The following DPYSL4 variants were observed in gnomAD, a reference collection of about 807,000 sequenced individuals.
DPYSL4 encodes dihydropyrimidinase like 4.
In DPYSL4, 43 loss-of-function variants were observed where a neutral mutation model predicts 63.4. The observed-to-expected ratio is 0.68, with a 90% confidence interval of 0.53 to 0.88. The LOEUF is 0.88. Ranked by LOEUF, DPYSL4 falls within the 40% of genes least tolerant of loss-of-function variation. The pLI is 0.00. For synonymous variants in DPYSL4, 353 were observed against 331.7 expected (o/e 1.06, Z -0.70); for missense variants, 733 against 819.5 (o/e 0.89, Z 1.29).
intron 8 of DPYSL4, 37 bp downstream of exon 8, chr10:132,199,008 A>G (rs575475827): frequency 7.0e-6 from 11 of 1,576,562 alleles, no homozygotes; most frequent in Middle Eastern, 1.7e-4. Flanking sequence ...CCGAGGGGCC[A>G]TGGTCTCGGC....
Position 132,202,718 on chromosome 10 carries a change from G to A in DPYSL4, c.1354G>A (p.Val452Met), listed in dbSNP as rs201714613. Residue 452 changes from valine to methionine, a missense_variant, in exon 12 of 14, where the codon GTG becomes ATG. Val to Met is a conservative substitution (Grantham distance 21, BLOSUM62 1). Transcript: ENST00000338492. ...APAVVISQGR[V>M]ALEDGKMFVT... ...TGCCGTGGTCATAAGTCAGGGCCGA[G>A]TGGCGCTGGAGGACGGGAAGATGTT... 4 of 1,613,512 alleles carry A rather than the reference G, an allele frequency of 2.5e-6. No individual in the cohort carries two copies. The highest frequency in any genetic ancestry group is 3.4e-6 in the Non-Finnish European group (4 of 1,180,000).
In DPYSL4 at chr10:132,194,933, C is replaced by T. The variant is rs1361328955; in HGVS notation, c.402C>T (p.Asp134=). The T allele has an allele frequency of 6.2e-7, 1 of 1,612,126 alleles. No individual in the cohort carries two copies. Among genetic ancestry groups the T allele is most frequent in the Non-Finnish European group, 8.5e-7 (1 of 1,179,952 alleles). The change falls in exon 4 of 14, where the codon GAC becomes GAT. Residue 134 remains aspartate, a synonymous_variant. Coordinates refer to ENST00000338492, the MANE Select transcript of DPYSL4 (RefSeq NM_006426.3). The part of the protein sequence containing the change: ...RERADSAACC[D]YSLHVDITRW... Reference sequence around the variant, plus strand: ...GGGCGGACAGCGCGGCCTGCTGCGACTACTCCCTGCACGTGGACATCACCC... The same window carrying T: ...GGGCGGACAGCGCGGCCTGCTGCGATTACTCCCTGCACGTGGACATCACCC...
Position 132,200,565 on chromosome 10 carries a change from C to T in DPYSL4, c.968+53C>T, listed in dbSNP as rs368259824. Reference sequence around the variant, plus strand: ...GTTGGCCGCCCGCTGCACACCCTGCCAAGGCTGTGGCCCCGACACCCCAGG... The same window carrying T: ...GTTGGCCGCCCGCTGCACACCCTGCTAAGGCTGTGGCCCCGACACCCCAGG... On this transcript the variant is annotated intron_variant, in intron 9 of 13. Transcript: ENST00000338492. 3,235 of 1,597,802 alleles carry T rather than the reference C, an allele frequency of 2.0e-3. 73 individuals are homozygous for T. In the South Asian group the frequency reaches 0.034, roughly 17 times the overall value.
chr10:132,197,124 T>TG lies in DPYSL4; in HGVS notation c.621+27dup, dbSNP rs936746520. 4.8e-6 allele frequency: 7 copies of TG among 1,472,858 alleles called. No homozygotes were observed. In the African/African-American group the frequency reaches 8.5e-5, roughly 18 times the overall value. The allele number at this position is 1,472,858 out of a possible 1,614,324, so 91.2% of individuals were successfully genotyped here. Reference sequence around the variant, plus strand: ...GAGGTGCCGTGGGGCAGGGCTGCCGTGGGGCAGGCACAGGGGCTGCCGTGG... The same window carrying TG: ...GAGGTGCCGTGGGGCAGGGCTGCCGTGGGGGCAGGCACAGGGGCTGCCGTGG... On this transcript the variant is annotated intron_variant, in intron 6 of 13. Coordinates refer to ENST00000338492, the MANE Select transcript of DPYSL4 (RefSeq NM_006426.3).
chr10:132,196,973 C>T (rs761848609), intron 5 of DPYSL4, 48 bp from the exon 6 acceptor site: 2 of 1,613,128 alleles, frequency 1.2e-6, no homozygotes, highest in Non-Finnish European at 1.7e-6. Context: ...CAGGCCGCTG[C>T]TGGTGCAGGC....
intron 4 of DPYSL4, 108 bp from the exon 5 acceptor site, chr10:132,196,753 G>GTGCTGGA: frequency 7.9e-7 from 1 of 1,273,860 alleles, no homozygotes; most frequent in South Asian, 1.2e-5. Flanking sequence ...GAAGCACTGC[G>GTGCTGGA]GGGGAGGGGC....
chr10:132,202,892 G>C, intron 12 of DPYSL4, 67 bp downstream of exon 12: 1 of 1,508,616 alleles, frequency 6.6e-7, no homozygotes, highest in Non-Finnish European at 8.9e-7. Context: ...GGCCCAGAAC[G>C]CACCCCTGGT....
intron 2 of DPYSL4, 170 bp from the exon 3 acceptor site, chr10:132,192,488 T>G: frequency 7.2e-7 from 1 of 1,381,090 alleles, no homozygotes; most frequent in African/African-American, 1.5e-5. Flanking sequence ...TGAGTGATGC[T>G]TTGCTCCCTG....
At chr10:132,199,046 A>G in intron 8 of DPYSL4, 75 bp downstream of exon 8, 1 of 1,544,964 alleles carries the variant, frequency 6.5e-7, no homozygotes, top group Non-Finnish European at 8.7e-7. Context: ...GGGGAGATGC[A>G]GGTTCCCTGA....
chr10:132,193,374 A>C (rs2061901713), intron 3 of DPYSL4, among the ~76,000 whole-genome samples: 1 of 152,250 alleles, frequency 6.6e-6, no homozygotes, highest in Non-Finnish European at 1.5e-5. Flanking sequence ...CGTGCCCGGC[A>C]CGGGCTCTAT....
At chr10:132,192,910 G>GT in intron 3 of DPYSL4, 68 bp downstream of exon 3, 1 of 1,481,290 alleles carries the variant, frequency 6.8e-7, no homozygotes. Flanking sequence ...CTGGCCAGGT[G>GT]TGTGTGGGAG....
chr10:132,204,795 G>GCCCCTGCCTCATTCT (rs1316858951), intron 13 of DPYSL4, 44 bp from the exon 14 acceptor site: 2 of 1,544,344 alleles, frequency 1.3e-6, no homozygotes, highest in African/African-American at 1.4e-5. Context: ...AAGGGCCCCT[G>GCCCCTGCCTCATTCT]CCCCTGCCTC....
At chr10:132,201,432 G>A (rs1274721882) in intron 10 of DPYSL4, among the ~76,000 whole-genome samples, 2 of 152,236 alleles carry the variant, frequency 1.3e-5, no homozygotes, top group South Asian at 2.1e-4. Flanking sequence ...CAAGGAGACT[G>A]TCACGTCCTT....
chr10:132,187,642 AGCCCCGGCC>A, intron 1 of DPYSL4, among the ~76,000 whole-genome samples: 1 of 152,166 alleles, frequency 6.6e-6, no homozygotes, highest in Non-Finnish European at 1.5e-5. Context: ...AAAGCGATTT[AGCCCCGGCC>A]GCTCTGGCCG....
chr10:132,189,023 A>G (rs1227190297), intron 1 of DPYSL4, among the ~76,000 whole-genome samples: 1 of 152,246 alleles, frequency 6.6e-6, no homozygotes, highest in African/African-American at 2.4e-5. Context: ...GAGTTCCTAG[A>G]TAATGAACTC....
chr10:132,199,240 G>C (rs1313630408), intron 8 of DPYSL4, among the ~76,000 whole-genome samples: 2 of 152,188 alleles, frequency 1.3e-5, no homozygotes, highest in African/African-American at 4.8e-5. Flanking sequence ...AGTGGGGGTG[G>C]GTGTGGGGAG....
chr10:132,191,378 C>T (rs1487781574), intron 2 of DPYSL4, among the ~76,000 whole-genome samples: 3 of 142,516 alleles, frequency 2.1e-5, no homozygotes, highest in African/African-American at 7.9e-5. Flanking sequence ...TGTGTACACA[C>T]TGGTCACGTG....
rs1164899373 is a variant in DPYSL4, at chr10:132,186,955, G to A, written c.-109G>A. On this transcript the variant is annotated 5_prime_UTR_variant, in exon 1 of 14. Transcript: ENST00000338492. Reference sequence around the variant, plus strand: ...GTGCGGCCCCGCGCGCTCGCAGTCTGTCTCCCGCCGTCCCCACGCACGCGT... The same window carrying A: ...GTGCGGCCCCGCGCGCTCGCAGTCTATCTCCCGCCGTCCCCACGCACGCGT... 1 of 502,068 alleles carries A rather than the reference G, an allele frequency of 2.0e-6. No homozygotes were observed. The highest frequency in any genetic ancestry group is 2.1e-5 in the African/African-American group (1 of 48,620). 31.1% of individuals were successfully genotyped at this position (502,068 alleles called of 1,614,324 possible).
intron 9 of DPYSL4, 34 bp from the exon 10 acceptor site, chr10:132,200,808 A>T: frequency 6.2e-7 from 1 of 1,600,878 alleles, no homozygotes; most frequent in South Asian, 1.1e-5. Context: ...CGGCTCAGGA[A>T]GGCCAGGACC....
Sources: allele counts gnomAD v4.1 joint callset (sites outside exome capture counted in the v4.1 genomes callset), GRCh38; gene constraint gnomAD v4.1.1; transcripts MANE v1.5; gene names NCBI Gene and HGNC (gene_info 2026-07-23, HGNC 2026-07-21).